Variants in MROH9 observed in about 807,000 individuals in gnomAD.
The protein encoded by MROH9 is maestro heat-like repeat-containing protein family member 9.
MROH9 carries 92 observed loss-of-function variants against 98.2 expected under a neutral mutation model. The observed-to-expected ratio is 0.94, with a 90% CI of 0.79 to 1.11. The LOEUF (loss-of-function observed/expected upper bound fraction) is 1.11, where lower values mean the gene tolerates loss of function less well. MROH9 is among the 50% of genes most tolerant of loss of function. The probability of loss-of-function intolerance (pLI) is 0.00; values close to 1 mark genes in which losing one functional copy is unlikely to be tolerated. For synonymous variants in MROH9, 397 were observed against 368.9 expected, an observed-to-expected ratio of 1.08 and a Z score of -0.87; for missense variants, 1,057 against 1,014.8, an observed-to-expected ratio of 1.04 and a Z score of -0.57.
intron 15 of MROH9, among the ~76,000 whole-genome samples, chr1:171,013,675 A>G (rs1429020027): frequency 6.6e-6 from 1 of 152,156 alleles, no homozygotes; most frequent in Non-Finnish European, 1.5e-5. Context: ...GAAGCTCCAC[A>G]GGGTTGTGGG....
intron 20 of MROH9, among the ~76,000 whole-genome samples, chr1:171,053,163 CTCCACAT>C (rs1044691595): frequency 6.9e-4 from 105 of 152,322 alleles, no homozygotes; most frequent in Non-Finnish European, 1.0e-3. Flanking sequence ...CTGGAATGCA[CTCCACAT>C]TCCCTGCTTG....
At chr1:171,022,013 T>C (rs1474554073) in intron 17 of MROH9, among the ~76,000 whole-genome samples, 3 of 152,134 alleles carry the variant, frequency 2.0e-5, no homozygotes, top group Admixed American at 2.0e-4. Flanking sequence ...TCAACATCAC[T>C]GATTAGAGAA....
Position 171,037,129 on chromosome 1 carries a change from A to G in MROH9, c.2281+11709A>G, listed in dbSNP as rs1036624524. Among the ~76,000 whole-genome samples the G allele has an allele frequency of 7.2e-5, 11 of 151,986 alleles. No homozygotes were observed. In the East Asian group the frequency reaches 9.6e-4, roughly 13 times the overall value. ...AAAAATACATGTTTTAAATTATGCTAATCTCAAAGCAACTAACTCATTAAA... is the reference window on the plus strand; with the variant it reads ...AAAAATACATGTTTTAAATTATGCTGATCTCAAAGCAACTAACTCATTAAA... On this transcript the variant is annotated intron_variant, in intron 20 of 21. Transcript: ENST00000367759.
At chr1:171,056,551 C>T (rs1250076477) in intron 20 of MROH9, among the ~76,000 whole-genome samples, 1 of 152,154 alleles carries the variant, frequency 6.6e-6, no homozygotes, top group Non-Finnish European at 1.5e-5. Context: ...CAGACATAGC[C>T]TTTCCTCCTG....
At chr1:171,042,056 C>T (rs987861624) in intron 20 of MROH9, among the ~76,000 whole-genome samples, 3 of 151,984 alleles carry the variant, frequency 2.0e-5, no homozygotes, top group African/African-American at 4.8e-5. Flanking sequence ...TTCTATTGTG[C>T]TATCAAATAG....
intron 20 of MROH9, among the ~76,000 whole-genome samples, chr1:171,038,965 C>G (rs1653200597): frequency 6.6e-6 from 1 of 152,100 alleles, no homozygotes; most frequent in Non-Finnish European, 1.5e-5. Context: ...CTATACTGAA[C>G]CTGCATTTCT....
intron 10 of MROH9, among the ~76,000 whole-genome samples, chr1:170,987,887 C>A (rs11486179): frequency 0.098 from 14,906 of 152,220 alleles, 873 homozygotes; most frequent in Middle Eastern, 0.16. Flanking sequence ...CCTTCTATGT[C>A]ATTTTCAGAC....
At chr1:170,984,080 C>T (rs1651034700) in intron 9 of MROH9, among the ~76,000 whole-genome samples, 1 of 152,198 alleles carries the variant, frequency 6.6e-6, no homozygotes, top group East Asian at 1.9e-4. Flanking sequence ...TATATTCTCC[C>T]TCACCTTCTT....
rs547779195 is a variant in MROH9, at chr1:170,998,490, TTC to T, written c.1596+220_1596+221del. 6,720 of 1,499,488 alleles carry T rather than the reference TTC, an allele frequency of 4.5e-3. 24 individuals carry two copies. The highest frequency in any genetic ancestry group is 5.0e-3 in the Non-Finnish European group (5,681 of 1,132,560). The allele number at this position is 1,499,488 out of a possible 1,614,324, so 92.9% of individuals were successfully genotyped here. A position where few individuals can be genotyped will look rare whatever the true frequency, so the allele number is the denominator to read the frequency against. On this transcript the variant is annotated intron_variant, in intron 15 of 21. Transcript: ENST00000367759. ...TTCAGCTTTCCCCAGCAGTTGGTTT[TTC>T]TCTGTTTCTAGGGGTGTGAATTTGT... is the stretch of plus-strand genomic sequence containing the variant.
intron 7 of MROH9, among the ~76,000 whole-genome samples, chr1:170,966,614 G>T (rs1650244824): frequency 6.6e-6 from 1 of 152,002 alleles, no homozygotes; most frequent in Non-Finnish European, 1.5e-5. Context: ...TTACTATTTT[G>T]TTTAAACTCA....
intron 8 of MROH9, among the ~76,000 whole-genome samples, chr1:170,975,172 G>T (rs1650633227): frequency 6.6e-6 from 1 of 151,966 alleles, no homozygotes; most frequent in Admixed American, 6.6e-5. Context: ...TAAAAAGGCA[G>T]ATTGTCAGAC....
chr1:170,953,018 T>C (rs1475828830), intron 3 of MROH9, among the ~76,000 whole-genome samples: 1 of 152,100 alleles, frequency 6.6e-6, no homozygotes, highest in Non-Finnish European at 1.5e-5. Flanking sequence ...TTATTCACAC[T>C]ATCAGAGGAA....
intron 7 of MROH9, among the ~76,000 whole-genome samples, chr1:170,971,175 G>A (rs1030323324): frequency 1.3e-5 from 2 of 152,180 alleles, no homozygotes; most frequent in African/African-American, 4.8e-5. Flanking sequence ...TCTAAGGGTT[G>A]AAGAAGTTGT....
chr1:170,999,846 G>GT (rs1363717829), intron 15 of MROH9, among the ~76,000 whole-genome samples: 5 of 152,086 alleles, frequency 3.3e-5, no homozygotes, highest in African/African-American at 1.2e-4. Flanking sequence ...AACATCTACT[G>GT]TTTTTTGATT....
In MROH9 at chr1:171,034,114, T is replaced by G. The variant is rs1653019816; in HGVS notation, c.2281+8694T>G. Among the ~76,000 whole-genome samples the G allele has an allele frequency of 2.0e-5, 3 of 152,058 alleles. No homozygotes were observed. In the South Asian group the frequency reaches 6.2e-4, roughly 32 times the overall value. ...TACTTCAATATTCCATATTTTATAG[T>G]TGAATACTAAAAAAACTTTTATAGT... On this transcript the variant is annotated intron_variant, in intron 20 of 21. Transcript: ENST00000367759.
chr1:170,942,370 CA>C, intron 1 of MROH9, among the ~76,000 whole-genome samples: 1 of 5,304 alleles, frequency 1.9e-4, no homozygotes, highest in Non-Finnish European at 3.4e-4. Flanking sequence ...GTAGAGTAGA[CA>C]CACACACACA....
chr1:170,987,127 G>A (rs991304874), intron 10 of MROH9, among the ~76,000 whole-genome samples: 10 of 152,138 alleles, frequency 6.6e-5, no homozygotes, highest in African/African-American at 2.4e-4. Context: ...AAAGCATGAG[G>A]GTTACAGGCA....
At chr1:171,028,385 T>C (rs1318482336) in intron 20 of MROH9, among the ~76,000 whole-genome samples, 1 of 152,202 alleles carries the variant, frequency 6.6e-6, no homozygotes. Flanking sequence ...CATTTGTCTA[T>C]GTATCTGCTT....
At chr1:170,947,396 G>A (rs910944396) in intron 2 of MROH9, 131 bp from the exon 3 acceptor site, 5 of 684,218 alleles carry the variant, frequency 7.3e-6, no homozygotes, top group Non-Finnish European at 1.3e-5. Flanking sequence ...TAGTTTTAGT[G>A]TGTGTGTGCA....
Sources: allele counts gnomAD v4.1 joint callset (sites outside exome capture counted in the v4.1 genomes callset), GRCh38; gene constraint gnomAD v4.1.1; transcripts MANE v1.5; gene names NCBI Gene and HGNC (gene_info 2026-07-23, HGNC 2026-07-21).